The following CD4 variants were observed in gnomAD, a reference collection of about 807,000 sequenced individuals.
CD4 encodes the protein T-cell surface glycoprotein CD4.
CD4 carries 25 observed loss-of-function variants against 50.5 expected under a neutral mutation model. The observed-to-expected ratio is 0.49, with a 90% confidence interval of 0.36 to 0.69. The LOEUF is 0.69. Among genes scored for constraint, CD4 ranks in the 30% least tolerant of loss-of-function variants. The pLI, the probability that CD4 is intolerant of heterozygous loss-of-function variation, is 0.00. For missense variants in CD4, 456 were observed against 548.5 expected, an observed-to-expected ratio of 0.83 and a Z score of 1.68; for synonymous variants, 207 against 221.9, an observed-to-expected ratio of 0.93 and a Z score of 0.60.
rs575532584 is a variant in CD4 at position 6,818,096 on chromosome 12, ACG to A, written c.1157-319_1157-318del. ...TTCACACATGGACTCACACGCGCAC[ACG>A]CGCGCACACACACACATTCACACCA... On this transcript the variant is annotated intron_variant, in intron 7 of 9. Coordinates refer to ENST00000011653, the MANE Select transcript of CD4 (RefSeq NM_000616.5). The surrounding 1 kb of genome is among the most constrained non-coding windows in gnomAD (Gnocchi z 5.0). Among the ~76,000 whole-genome samples the A allele has an allele frequency of 0.019, 853 of 44,176 alleles. 11 individuals are homozygous for A. The highest frequency in any genetic ancestry group is 0.074 in the Middle Eastern group (7 of 94). 29.0% of individuals were successfully genotyped at this position (44,176 alleles called of 152,430 possible). A position where few individuals can be genotyped will look rare whatever the true frequency, so the allele number is the denominator to read the frequency against.
intron 3 of CD4, among the ~76,000 whole-genome samples, 181 bp downstream of exon 3, chr12:6,800,652 G>A (rs1555115116): frequency 6.6e-6 from 1 of 152,120 alleles, no homozygotes. Context: ...GGGAAAGGTG[G>A]TATGTGAATT....
At chr12:6,794,581 A>G (rs1296481499) in intron 1 of CD4, among the ~76,000 whole-genome samples, 1 of 152,014 alleles carries the variant, frequency 6.6e-6, no homozygotes, top group African/African-American at 2.4e-5. Flanking sequence ...TATGTTGGCC[A>G]GGCTGGTCTC....
At position 6,816,928 on chromosome 12, in the gene CD4, A is replaced by C. The variant is rs1021113127; in HGVS notation, c.956-202A>C. On this transcript the variant is annotated intron_variant, in intron 6 of 9. Transcript: ENST00000011653. This position sits in a 1 kb window ranked among gnomAD's most constrained non-coding sequence, Gnocchi z 4.9. ...CTATCTGGGTGCAGGTTGTTAAGTC[A>C]CTTGCCCAGAGACACACAGCTGCTA... is the stretch of plus-strand genomic sequence containing the variant. 1.3e-5 allele frequency among the ~76,000 whole-genome samples: 2 copies of C among 152,188 alleles called. No individual in the cohort carries two copies. Among genetic ancestry groups the C allele is most frequent in the Non-Finnish European group, 2.9e-5 (2 of 68,030 alleles).
intron 3 of CD4, among the ~76,000 whole-genome samples, chr12:6,806,562 A>T (rs1206444470): frequency 6.6e-6 from 1 of 152,244 alleles, no homozygotes; most frequent in Non-Finnish European, 1.5e-5. Flanking sequence ...AAGGACTGGT[A>T]TCTAGAATAT....
chr12:6,804,068 G>A (rs1046810155), intron 3 of CD4, among the ~76,000 whole-genome samples: 3 of 151,410 alleles, frequency 2.0e-5, no homozygotes, highest in Non-Finnish European at 2.9e-5. Context: ...CTGAGATCGC[G>A]CCACTACACT....
intron 1 of CD4, among the ~76,000 whole-genome samples, chr12:6,797,391 C>G (rs2137847903): frequency 6.6e-6 from 1 of 152,238 alleles, no homozygotes; most frequent in East Asian, 1.9e-4. Context: ...GCTCTTTCTC[C>G]CCTGACCTCT....
intron 3 of CD4, 195 bp from the exon 4 acceptor site, chr12:6,813,947 T>C (rs781852701): frequency 2.0e-4 from 105 of 523,204 alleles, no homozygotes; most frequent in Admixed American, 5.6e-4. Context: ...TATTTGTATT[T>C]GTGAGCTACT....
In CD4 at chr12:6,803,740, G is replaced by A. The variant is rs188614354; in HGVS notation, c.214+3269G>A. 8.3e-4 allele frequency among the ~76,000 whole-genome samples: 126 copies of A among 151,438 alleles called. No homozygotes were observed. The East Asian group carries it at 0.021, about 25-fold the overall frequency. On this transcript the variant is annotated intron_variant, in intron 3 of 9. Coordinates refer to ENST00000011653, the MANE Select transcript of CD4 (RefSeq NM_000616.5). ...GCGGAGGTCGCAGTGAGCTGAGACCGTGCCATTGCACTCCAGCCTGAGTGA... is the reference window on the plus strand; with the variant it reads ...GCGGAGGTCGCAGTGAGCTGAGACCATGCCATTGCACTCCAGCCTGAGTGA...
chr12:6,812,293 G>A (rs916702738), intron 3 of CD4, among the ~76,000 whole-genome samples: 8 of 152,138 alleles, frequency 5.3e-5, no homozygotes, highest in Admixed American at 2.6e-4. Context: ...CAGCTACTCC[G>A]AAGGCTGAGG....
At chr12:6,803,198 T>C (rs1481227689) in intron 3 of CD4, among the ~76,000 whole-genome samples, 1 of 152,118 alleles carries the variant, frequency 6.6e-6, no homozygotes, top group Non-Finnish European at 1.5e-5. Flanking sequence ...ACGCCTAGGC[T>C]GGAGTGCAGT....
At position 6,814,934 on chromosome 12, in the gene CD4, A is replaced by G. The variant is rs1217671924; in HGVS notation, c.549A>G (p.Thr183=). 4 of 1,613,700 alleles carry G rather than the reference A, an allele frequency of 2.5e-6. No homozygotes were observed. Among genetic ancestry groups the G allele is most frequent in the African/African-American group, 2.7e-5 (2 of 74,994 alleles). ...AGCTCCAGGATAGTGGCACCTGGAC[A>G]TGCACTGTCTTGCAGAACCAGAAGA... ...QLELQDSGTW[T]CTVLQNQKKV... Residue 183 remains threonine (T), a synonymous_variant, in exon 5 of 10, where the codon ACA becomes ACG. Transcript: ENST00000011653.
intron 1 of CD4, among the ~76,000 whole-genome samples, chr12:6,798,602 G>C (rs28917480): frequency 0.027 from 4,130 of 152,276 alleles, 187 homozygotes; most frequent in African/African-American, 0.093. Context: ...TCTTAGTACA[G>C]ATCAAAATGG....
chr12:6,814,401 C>A, intron 4 of CD4, 101 bp downstream of exon 4: 1 of 1,275,836 alleles, frequency 7.8e-7, no homozygotes, highest in Non-Finnish European at 1.1e-6. Context: ...GATACCGCAG[C>A]AGCCCCAAGA....
intron 3 of CD4, among the ~76,000 whole-genome samples, chr12:6,813,220 ATTT>A (rs58979580): frequency 0.023 from 3,080 of 135,950 alleles, 97 homozygotes; most frequent in African/African-American, 0.078. Context: ...ATTAAAAAAA[ATTT>A]TTTTTTTTTT....
At chr12:6,797,244 C>G (rs1321829361) in intron 1 of CD4, among the ~76,000 whole-genome samples, 2 of 152,100 alleles carry the variant, frequency 1.3e-5, no homozygotes, top group Admixed American at 6.5e-5. Flanking sequence ...GCCCTGCCCC[C>G]ACCACCCCCA....
chr12:6,799,939 A>G (rs1942484762), intron 1 of CD4, 133 bp from the exon 2 acceptor site: 6 of 588,246 alleles, frequency 1.0e-5, no homozygotes, highest in Non-Finnish European at 1.5e-5. Flanking sequence ...CCAACCTCCA[A>G]TTCCCTCTGC....
rs1478379783 is a variant in CD4, at chr12:6,820,744, G to A, written c.*1415G>A. The A allele has an allele frequency of 3.9e-5, 6 of 152,080 alleles. No homozygotes were observed. Among genetic ancestry groups the A allele is most frequent in the Admixed American group, 3.3e-4 (5 of 15,236 alleles). The allele number at this position is 152,080 out of a possible 1,614,324, so 9.4% of individuals were successfully genotyped here. A position where few individuals can be genotyped will look rare whatever the true frequency, so the allele number is the denominator to read the frequency against. On this transcript the variant is annotated 3_prime_UTR_variant, in exon 10 of 10. Coordinates refer to ENST00000011653, the MANE Select transcript of CD4 (RefSeq NM_000616.5). ...CTCCCCATTTGCTTACTTTGCATTTGTGCCCACTCTCCACCCCTGCTCCCC... is the reference window on the plus strand; with the variant it reads ...CTCCCCATTTGCTTACTTTGCATTTATGCCCACTCTCCACCCCTGCTCCCC...
chr12:6,819,566 T>G lies in CD4; in HGVS notation c.*237T>G. ...ACGCCATTTCCTTTTCCTTCAAGCC[T>G]AGCCCTTCTCTCATTATTTCTCTCT... On this transcript the variant is annotated 3_prime_UTR_variant, in exon 10 of 10. Coordinates refer to ENST00000011653, the MANE Select transcript of CD4 (RefSeq NM_000616.5). The G allele has an allele frequency of 1.7e-6, 1 of 574,372 alleles. No individual in the cohort carries two copies. Among genetic ancestry groups the G allele is most frequent in the Middle Eastern group, 4.7e-4 (1 of 2,120 alleles). The allele number at this position is 574,372 out of a possible 1,614,324, so 35.6% of individuals were successfully genotyped here.
chr12:6,809,897 T>C (rs1233753565), intron 3 of CD4, among the ~76,000 whole-genome samples: 4 of 143,352 alleles, frequency 2.8e-5, no homozygotes, highest in African/African-American at 8.5e-5. Flanking sequence ...CCTCTTTTTT[T>C]TTTTTTTTTT....
Sources: gnomAD v4.1 joint callset for allele counts (sites outside exome capture counted in the v4.1 genomes callset) on GRCh38, gnomAD v4.1.1 for gene constraint, Gnocchi (gnomAD v3.1) non-coding constraint, MANE v1.5 for transcripts, NCBI Gene and HGNC (gene_info 2026-07-23, HGNC 2026-07-21) for gene names.